Variants in NHERF1 observed in about 807,000 individuals in gnomAD.
NHERF1 encodes the protein Na(+)/H(+) exchange regulatory cofactor NHE-RF1.
the NHERF1 span, chr17:74,749,069 G>A: frequency 6.3e-7 from 1 of 1,593,512 alleles, no homozygotes; most frequent in Non-Finnish European, 8.5e-7. The surrounding 1 kb of genome is among the most constrained non-coding windows in gnomAD (Gnocchi z 5.6). Context: ...CCACCAGCAG[G>A]TGGTGAGCCG....
the NHERF1 span, chr17:74,748,661 C>G: frequency 1.7e-6 from 1 of 583,690 alleles, no homozygotes; most frequent in Non-Finnish European, 3.0e-6. The surrounding 1 kb of genome is among the most constrained non-coding windows in gnomAD (Gnocchi z 4.3). Context: ...GGTCTGTGGT[C>G]CTCTCTCGGC....
the NHERF1 span, among the ~76,000 whole-genome samples, chr17:74,759,341 G>A: frequency 6.6e-6 from 1 of 152,262 alleles, no homozygotes; most frequent in Non-Finnish European, 1.5e-5. Context: ...TGCTGGCAGA[G>A]CGGAGCAAGG....
At chr17:74,759,956 C>T in the NHERF1 span, among the ~76,000 whole-genome samples, 2 of 152,266 alleles carry the variant, frequency 1.3e-5, no homozygotes, top group East Asian at 3.9e-4. Flanking sequence ...TTTTTGGGAG[C>T]GCAGGGACGG....
At chr17:74,766,361 T>G in the NHERF1 span, among the ~76,000 whole-genome samples, 2 of 151,976 alleles carry the variant, frequency 1.3e-5, no homozygotes, top group East Asian at 3.9e-4. Context: ...CATGCCCAGC[T>G]AATTTTCTTT....
chr17:74,767,718 G>A, the NHERF1 span, among the ~76,000 whole-genome samples: 2 of 152,186 alleles, frequency 1.3e-5, no homozygotes, highest in African/African-American at 4.8e-5. Context: ...GATTCCTGGG[G>A]TCAAATCCTG....
At chr17:74,767,565 A>G in the NHERF1 span, among the ~76,000 whole-genome samples, 62 of 152,302 alleles carry the variant, frequency 4.1e-4, no homozygotes, top group African/African-American at 1.4e-3. Flanking sequence ...CTTCCCTAGG[A>G]GCTCCTGCCA....
the NHERF1 span, among the ~76,000 whole-genome samples, chr17:74,756,580 A>G: frequency 2.0e-5 from 3 of 151,980 alleles, no homozygotes; most frequent in Non-Finnish European, 2.9e-5. Flanking sequence ...CACCCGGCCT[A>G]TTTTTCCTTT....
At chr17:74,762,631 C>T in the NHERF1 span, among the ~76,000 whole-genome samples, 1 of 151,938 alleles carries the variant, frequency 6.6e-6, no homozygotes, top group Non-Finnish European at 1.5e-5. This position sits in a 1 kb window ranked among gnomAD's most constrained non-coding sequence, Gnocchi z 4.2. Context: ...AATCCCAGCT[C>T]ACTGCAACCT....
At chr17:74,749,191 A>G in the NHERF1 span, 9 of 1,527,598 alleles carry the variant, frequency 5.9e-6, no homozygotes, top group Non-Finnish European at 7.9e-6. This position sits in a 1 kb window ranked among gnomAD's most constrained non-coding sequence, Gnocchi z 5.6. Context: ...GCGCCCAGGA[A>G]GCGCCGGGGC....
the NHERF1 span, chr17:74,768,196 C>T: frequency 6.2e-7 from 1 of 1,613,810 alleles, no homozygotes; most frequent in East Asian, 2.2e-5. Flanking sequence ...AGCCCCAGGC[C>T]AGCCCTGGTG....
chr17:74,766,182 TG>T, the NHERF1 span, among the ~76,000 whole-genome samples: 13 of 151,892 alleles, frequency 8.6e-5, no homozygotes, highest in South Asian at 4.1e-4. Flanking sequence ...TTTTTTGGTT[TG>T]TTTTTTTTGT....
chr17:74,754,399 C>CTTTTTTT, the NHERF1 span, among the ~76,000 whole-genome samples: 1 of 59,680 alleles, frequency 1.7e-5, no homozygotes, highest in African/African-American at 4.6e-5. Context: ...TTCTTTCTTT[C>CTTTTTTT]TTTTTTTTTT....
chr17:74,762,036 A>G, the NHERF1 span: 1 of 1,614,116 alleles, frequency 6.2e-7, no homozygotes, highest in Non-Finnish European at 8.5e-7. The surrounding 1 kb of genome is among the most constrained non-coding windows in gnomAD (Gnocchi z 4.2). Context: ...TCGGCTCTGT[A>G]CCATGAAGAA....
At chr17:74,755,418 G>A in the NHERF1 span, among the ~76,000 whole-genome samples, 15 of 152,172 alleles carry the variant, frequency 9.9e-5, no homozygotes, top group African/African-American at 3.1e-4. Flanking sequence ...GGTCTTCACT[G>A]TTGACCGAAG....
the NHERF1 span, among the ~76,000 whole-genome samples, chr17:74,753,600 G>C: frequency 6.6e-6 from 1 of 152,134 alleles, no homozygotes; most frequent in Non-Finnish European, 1.5e-5. Flanking sequence ...ATAGATGGGG[G>C]CTTCCTGGCC....
chr17:74,767,937 G>C, the NHERF1 span: 8 of 676,780 alleles, frequency 1.2e-5, no homozygotes, highest in Non-Finnish European at 1.9e-5. Context: ...CCTCCAGCCT[G>C]AGCAGTAGAA....
chr17:74,749,205 C>A, the NHERF1 span: 3 of 1,525,588 alleles, frequency 2.0e-6, no homozygotes, highest in Non-Finnish European at 2.6e-6. The surrounding 1 kb of genome is among the most constrained non-coding windows in gnomAD (Gnocchi z 5.6). Context: ...CCGGGGCAGG[C>A]CGAGCCGCCG....
At chr17:74,749,981 G>A in the NHERF1 span, among the ~76,000 whole-genome samples, 4 of 152,242 alleles carry the variant, frequency 2.6e-5, no homozygotes, top group Non-Finnish European at 5.9e-5. The surrounding 1 kb of genome is among the most constrained non-coding windows in gnomAD (Gnocchi z 5.6). Flanking sequence ...GAGGATTTAC[G>A]ATTCTCAGGA....
the NHERF1 span, chr17:74,768,878 CCTCACT>C: frequency 3.5e-6 from 2 of 573,982 alleles, no homozygotes; most frequent in Non-Finnish European, 3.1e-6. Context: ...CCTCCCTCCT[CCTCACT>C]GAGTGCCTCA....
Sources: gnomAD v4.1 joint callset for allele counts (sites outside exome capture counted in the v4.1 genomes callset) on GRCh38, gnomAD v4.1.1 for gene constraint, Gnocchi (gnomAD v3.1) non-coding constraint, MANE v1.5 for transcripts, NCBI Gene and HGNC (gene_info 2026-07-23, HGNC 2026-07-21) for gene names.